The following PCDHGB2 variants were observed in gnomAD, a reference collection of about 807,000 sequenced individuals.
PCDHGB2 encodes the protein protocadherin gamma subfamily B, 2.
PCDHGB2 carries 55 observed loss-of-function variants against 59.3 expected under a neutral mutation model. That is an observed-to-expected ratio of 0.93 (90% CI 0.75 to 1.16). The LOEUF (loss-of-function observed/expected upper bound fraction) is 1.16, where lower values mean the gene tolerates loss of function less well. Ranked by LOEUF, PCDHGB2 falls within the 50% of genes most tolerant of loss-of-function variation. The pLI is 0.00. For synonymous variants in PCDHGB2, 516 were observed against 512.0 expected (o/e 1.01, Z -0.11); for missense variants, 1,228 against 1,198.5 (o/e 1.02, Z -0.36).
At chr5:141,390,969 G>A (rs1232299434) in intron 1 of PCDHGB2, 5 of 152,168 alleles carry the variant, frequency 3.3e-5, no homozygotes, top group African/African-American at 4.8e-5. Flanking sequence ...TGTAACATAG[G>A]AGTTTCAGGA....
chr5:141,447,824 G>T (rs926580893), intron 1 of PCDHGB2, among the ~76,000 whole-genome samples: 2 of 152,034 alleles, frequency 1.3e-5, no homozygotes, highest in Non-Finnish European at 2.9e-5. Context: ...GGTGGCTCAC[G>T]CCTGTAATCC....
rs756770023 is a variant in PCDHGB2 at position 141,383,289 on chromosome 5, T to C, written c.2421+20733T>C. ...AAATAATAGATATTAATGACAACGT[T>C]CCAAGATTCTTGACGGAAGAAATAA... On this transcript the variant is annotated intron_variant, in intron 1 of 3. Coordinates refer to ENST00000522605, the MANE Select transcript of PCDHGB2 (RefSeq NM_018923.3). The C allele has an allele frequency of 1.9e-6, 3 of 1,613,914 alleles. No individual in the cohort carries two copies. In the South Asian group the frequency reaches 3.3e-5, roughly 18 times the overall value.
At position 141,491,942 on chromosome 5, in the gene PCDHGB2, C is replaced by T. The variant is rs932715298; in HGVS notation, c.2422-2865C>T. 6.4e-5 allele frequency: 72 copies of T among 1,122,376 alleles called. No individual in the cohort carries two copies. Among genetic ancestry groups the T allele is most frequent in the Admixed American group, 3.5e-5 (1 of 28,738 alleles). 69.5% of individuals were successfully genotyped at this position (1,122,376 alleles called of 1,614,324 possible). A position where few individuals can be genotyped will look rare whatever the true frequency, so the allele number is the denominator to read the frequency against. ...GGCGAGGGGAGGTGGGACCGACCCC[C>T]ACCCCTACACTCAAAAAAGGCCGGG... is the stretch of plus-strand genomic sequence containing the variant. On this transcript the variant is annotated intron_variant, in intron 1 of 3. Transcript: ENST00000522605. The surrounding 1 kb of genome is among the most constrained non-coding windows in gnomAD (Gnocchi z 6.9).
intron 1 of PCDHGB2, among the ~76,000 whole-genome samples, chr5:141,484,597 A>C (rs1345278081): frequency 1.3e-5 from 2 of 152,070 alleles, no homozygotes; most frequent in African/African-American, 4.8e-5. Flanking sequence ...CTCATTTAGA[A>C]TACTGGTTGA....
At chr5:141,482,888 A>G (rs1012212528) in intron 1 of PCDHGB2, among the ~76,000 whole-genome samples, 3 of 152,208 alleles carry the variant, frequency 2.0e-5, no homozygotes, top group African/African-American at 7.2e-5. Context: ...CCTGGCCAAC[A>G]TGGTGAAACC....
At position 141,489,876 on chromosome 5, in the gene PCDHGB2, T is replaced by C. The variant is rs2099693265; in HGVS notation, c.2422-4931T>C. ...CCCAGGCAAGACATCAGCTGGTGCT[T>C]ACTGCTGTGGATGGGGGGACCCCAG... On this transcript the variant is annotated intron_variant, in intron 1 of 3. Transcript: ENST00000522605. This position sits in a 1 kb window ranked among gnomAD's most constrained non-coding sequence, Gnocchi z 4.5. The C allele has an allele frequency of 6.2e-7, 1 of 1,614,098 alleles. No homozygotes were observed. The highest frequency in any genetic ancestry group is 1.1e-5 in the South Asian group (1 of 91,094).
chr5:141,400,780 T>C, intron 1 of PCDHGB2: 1 of 566,270 alleles, frequency 1.8e-6, no homozygotes, highest in Non-Finnish European at 3.1e-6. Context: ...TGGTGCGTTT[T>C]TTTGTCCTCT....
intron 1 of PCDHGB2, chr5:141,375,536 G>A: frequency 6.2e-7 from 1 of 1,613,972 alleles, no homozygotes; most frequent in African/African-American, 1.3e-5. Flanking sequence ...GGACCAGAAC[G>A]CCCAAGTCTC....
chr5:141,405,016 C>G (rs538744733), intron 1 of PCDHGB2: 1 of 1,613,888 alleles, frequency 6.2e-7, no homozygotes. Flanking sequence ...AGGCCTCAGA[C>G]CTTACCCTCT....
intron 1 of PCDHGB2, among the ~76,000 whole-genome samples, chr5:141,483,652 G>A (rs746306843): frequency 2.0e-5 from 3 of 151,916 alleles, no homozygotes; most frequent in Non-Finnish European, 4.4e-5. Context: ...GTGTGTTTGT[G>A]TGTGTGTGTG....
At chr5:141,407,615 A>T (rs780052436) in intron 1 of PCDHGB2, among the ~76,000 whole-genome samples, 2 of 152,140 alleles carry the variant, frequency 1.3e-5, no homozygotes, top group Non-Finnish European at 2.9e-5. Context: ...GCATTGGTTG[A>T]CATTCTATAT....
intron 1 of PCDHGB2, chr5:141,375,677 G>A (rs1171088976): frequency 1.2e-6 from 2 of 1,614,236 alleles, no homozygotes; most frequent in South Asian, 1.1e-5. Context: ...ACAGCTGTGG[G>A]TGACAGCCAG....
chr5:141,429,698 A>G (rs1436698608), intron 1 of PCDHGB2, among the ~76,000 whole-genome samples: 2 of 152,228 alleles, frequency 1.3e-5, no homozygotes, highest in Admixed American at 6.5e-5. Flanking sequence ...ATATCTTTAC[A>G]GTATAAATAT....
At chr5:141,421,192 C>G (rs758345796) in intron 1 of PCDHGB2, 22 of 1,491,716 alleles carry the variant, frequency 1.5e-5, no homozygotes, top group Non-Finnish European at 1.9e-5. Flanking sequence ...AACCAACCAG[C>G]TCGAGAAACC....
chr5:141,399,721 G>C, intron 1 of PCDHGB2: 1 of 1,613,292 alleles, frequency 6.2e-7, no homozygotes, highest in Non-Finnish European at 8.5e-7. Flanking sequence ...ACAGGCCCGC[G>C]ACCAGGGCTC....
rs774780380 is a variant in PCDHGB2 at position 141,432,864 on chromosome 5, G to C, written c.2422-61943G>C. Reference sequence around the variant, plus strand: ...GTGGTAGCGGTGGCCGCGGTCTCCTGCGTCTTCCTGGCCTTCGTCATCTTG... The same window carrying C: ...GTGGTAGCGGTGGCCGCGGTCTCCTCCGTCTTCCTGGCCTTCGTCATCTTG... On this transcript the variant is annotated intron_variant, in intron 1 of 3. Coordinates refer to ENST00000522605, the MANE Select transcript of PCDHGB2 (RefSeq NM_018923.3). The surrounding 1 kb of genome is among the most constrained non-coding windows in gnomAD (Gnocchi z 6.0). 6.2e-7 allele frequency: 1 copy of C among 1,614,168 alleles called. No homozygotes were observed.
intron 1 of PCDHGB2, among the ~76,000 whole-genome samples, chr5:141,459,721 T>C (rs2098973915): frequency 6.6e-6 from 1 of 152,246 alleles, no homozygotes. Context: ...CAATGCTTCC[T>C]ATTGTCAATT....
chr5:141,428,176 A>G (rs751446929), intron 1 of PCDHGB2: 21 of 1,507,402 alleles, frequency 1.4e-5, no homozygotes, highest in Non-Finnish European at 1.9e-5. Context: ...TGCGTGACGG[A>G]GGACAGCCGC....
chr5:141,372,323 G>T, intron 1 of PCDHGB2: 5 of 1,613,694 alleles, frequency 3.1e-6, no homozygotes, highest in Non-Finnish European at 4.2e-6. Context: ...AGCGCCTGCT[G>T]GTCACTGTGC....
Sources: allele counts gnomAD v4.1 joint callset (sites outside exome capture counted in the v4.1 genomes callset), GRCh38; gene constraint gnomAD v4.1.1; non-coding constraint Gnocchi (gnomAD v3.1); transcripts MANE v1.5; gene names NCBI Gene and HGNC (gene_info 2026-07-23, HGNC 2026-07-21).